The following C12orf56 variants were observed in gnomAD, a reference collection of about 807,000 sequenced individuals.
C12orf56 encodes the protein chromosome 12 open reading frame 56, also known as uncharacterized protein C12orf56.
Under a neutral mutation model 69.9 loss-of-function variants are expected in C12orf56, and 71 were observed. That is an observed-to-expected ratio of 1.02 (90% CI 0.84 to 1.24). The LOEUF is 1.24. Among genes scored for constraint, C12orf56 ranks in the 50% most tolerant of loss-of-function variants. The pLI, the probability that C12orf56 is intolerant of heterozygous loss-of-function variation, is 0.00. For synonymous variants in C12orf56, 276 were observed against 274.1 expected, an observed-to-expected ratio of 1.01 and a Z score of -0.07; for missense variants, 732 against 738.5, an observed-to-expected ratio of 0.99 and a Z score of 0.10.
rs533041851 is a variant in C12orf56, at chr12:64,353,145, T to G, written c.253-89A>C. On this transcript the variant is annotated intron_variant, in intron 1 of 12. Transcript: ENST00000543942. The stretch of plus-strand genomic sequence containing the variant: ...TAAATCCCCCAAAGCTAACAGCAAG[T>G]TTTTTTTTTCCACATATATATATAT... 128 of 1,134,530 alleles carry G rather than the reference T, an allele frequency of 1.1e-4. 1 individual carries two copies. The Admixed American group carries it at 1.2e-3, about 11-fold the overall frequency. The allele number at this position is 1,134,530 out of a possible 1,614,324, so 70.3% of individuals were successfully genotyped here. A position where few individuals can be genotyped will look rare whatever the true frequency, so the allele number is the denominator to read the frequency against.
chr12:64,271,033 G>A (rs2037983014), intron 11 of C12orf56, among the ~76,000 whole-genome samples: 1 of 152,078 alleles, frequency 6.6e-6, no homozygotes, highest in Admixed American at 6.5e-5. Context: ...AGGCGTGGTG[G>A]TGCATGCCTG....
chr12:64,302,535 A>C (rs2038460174), intron 6 of C12orf56, among the ~76,000 whole-genome samples: 1 of 152,150 alleles, frequency 6.6e-6, no homozygotes, highest in Non-Finnish European at 1.5e-5. Context: ...CAGTAAAATG[A>C]TGGCAGCTAC....
chr12:64,351,085 A>C (rs2039216214), intron 2 of C12orf56, among the ~76,000 whole-genome samples: 1 of 152,196 alleles, frequency 6.6e-6, no homozygotes. Flanking sequence ...GGGTAATGTA[A>C]AAATCTGGAT....
intron 5 of C12orf56, among the ~76,000 whole-genome samples, chr12:64,308,937 AAAG>A (rs773805671): frequency 0.052 from 2,238 of 42,726 alleles, 80 homozygotes; most frequent in Admixed American, 0.15. Context: ...AGAAAGAAAG[AAAG>A]AAGAAAGAAA....
rs182835459 is a variant in C12orf56, at chr12:64,297,735, A to G, written c.1113+5900T>C. The stretch of plus-strand genomic sequence containing the variant: ...CATGAACTCATCTTTTTATGGCTGC[A>G]TAGTATTCCATGGTGTATATGTGCC... On this transcript the variant is annotated intron_variant, in intron 6 of 12. Coordinates refer to ENST00000543942, the MANE Select transcript of C12orf56 (RefSeq NM_001170633.2). 2.3e-3 allele frequency among the ~76,000 whole-genome samples: 352 copies of G among 152,336 alleles called. 2 individuals carry two copies. Among genetic ancestry groups the G allele is most frequent in the African/African-American group, 8.1e-3 (336 of 41,576 alleles).
At chr12:64,355,161 T>C (rs1299112012) in intron 1 of C12orf56, among the ~76,000 whole-genome samples, 1 of 150,822 alleles carries the variant, frequency 6.6e-6, no homozygotes. Context: ...AGAATTTAGA[T>C]AAAAATGTTT....
At chr12:64,341,508 T>A (rs190410033) in intron 2 of C12orf56, among the ~76,000 whole-genome samples, 1 of 152,202 alleles carries the variant, frequency 6.6e-6, no homozygotes, top group Non-Finnish European at 1.5e-5. Flanking sequence ...AGGAGGAACA[T>A]GGTAAGACCA....
chr12:64,287,258 A>AGAAGAAGAAGAAGAAGAAG (rs566773723), intron 6 of C12orf56, among the ~76,000 whole-genome samples: 137 of 132,222 alleles, frequency 1.0e-3, no homozygotes, highest in African/African-American at 3.5e-3. Flanking sequence ...AAAAAAAAAA[A>AGAAGAAGAAGAAGAAGAAG]AAAAAGAAGA....
At chr12:64,279,790 T>G (rs74097988) in intron 8 of C12orf56, among the ~76,000 whole-genome samples, 2,868 of 152,292 alleles carry the variant, frequency 0.019, 93 homozygotes, top group African/African-American at 0.065. Context: ...AATGTTTTAT[T>G]CAGGCTATTT....
intron 1 of C12orf56, among the ~76,000 whole-genome samples, chr12:64,379,687 C>G (rs1337419331): frequency 2.0e-5 from 3 of 151,804 alleles, no homozygotes; most frequent in Non-Finnish European, 2.9e-5. Flanking sequence ...ACAGTGAGAG[C>G]CTTAAAATGC....
chr12:64,284,600 CACTT>C (rs2038175003), intron 8 of C12orf56, 60 bp downstream of exon 8: 3 of 1,176,272 alleles, frequency 2.6e-6, no homozygotes, highest in South Asian at 1.4e-5. Flanking sequence ...CTTTGGAAGA[CACTT>C]AATAAGAATA....
At chr12:64,387,107 A>AAAAAAAAAAAAAT (rs2039804627) in intron 1 of C12orf56, among the ~76,000 whole-genome samples, 1 of 133,300 alleles carries the variant, frequency 7.5e-6, no homozygotes, top group Non-Finnish European at 1.7e-5. Context: ...AAAAAAAAAA[A>AAAAAAAAAAAAAT]AAAGATGTGT....
At chr12:64,324,692 T>C (rs1301273219) in intron 3 of C12orf56, among the ~76,000 whole-genome samples, 1 of 152,204 alleles carries the variant, frequency 6.6e-6, no homozygotes, top group East Asian at 1.9e-4. Context: ...TGAAAGGTTT[T>C]AAGCAAGAAA....
intron 6 of C12orf56, among the ~76,000 whole-genome samples, chr12:64,296,530 C>T (rs1410008752): frequency 6.6e-6 from 1 of 152,146 alleles, no homozygotes; most frequent in African/African-American, 2.4e-5. Context: ...ATGAATCCTG[C>T]CTTGAGTGTC....
intron 2 of C12orf56, among the ~76,000 whole-genome samples, chr12:64,341,065 A>C (rs1208206831): frequency 2.6e-4 from 39 of 152,178 alleles, no homozygotes; most frequent in Admixed American, 2.6e-3. Flanking sequence ...CAGTCACCCC[A>C]GCCAACACTG....
intron 1 of C12orf56, among the ~76,000 whole-genome samples, chr12:64,374,372 A>G (rs2039613064): frequency 6.6e-6 from 1 of 152,118 alleles, no homozygotes; most frequent in South Asian, 2.1e-4. Flanking sequence ...AACAACAGCA[A>G]AGACACCAGT....
At chr12:64,314,449 T>C (rs11175338) in intron 4 of C12orf56, among the ~76,000 whole-genome samples, 67,943 of 152,120 alleles carry the variant, frequency 0.45, 15,554 homozygotes, top group African/African-American at 0.54. Context: ...CACAACACTT[T>C]TGTTAACTAT....
chr12:64,326,979 G>A (rs1247461269), intron 3 of C12orf56, among the ~76,000 whole-genome samples: 1 of 152,198 alleles, frequency 6.6e-6, no homozygotes, highest in Non-Finnish European at 1.5e-5. Flanking sequence ...TCATGGATAA[G>A]TGGGTTAATA....
chr12:64,268,269 G>A (rs1349485796), intron 12 of C12orf56, among the ~76,000 whole-genome samples: 1 of 152,162 alleles, frequency 6.6e-6, no homozygotes, highest in East Asian at 1.9e-4. Flanking sequence ...AACAGTACAT[G>A]ATGCACCTAA....
Sources: gnomAD v4.1 joint callset for allele counts (sites outside exome capture counted in the v4.1 genomes callset) on GRCh38, gnomAD v4.1.1 for gene constraint, MANE v1.5 for transcripts, NCBI Gene and HGNC (gene_info 2026-07-23, HGNC 2026-07-21) for gene names.